Variants in APOBEC3D observed in about 807,000 individuals in gnomAD.
APOBEC3D encodes DNA dC->dU-editing enzyme APOBEC-3D.
In APOBEC3D, 37 loss-of-function variants were observed where a neutral mutation model predicts 45.6. The observed-to-expected ratio is 0.81, with a 90% confidence interval of 0.62 to 1.07. The LOEUF (loss-of-function observed/expected upper bound fraction) is 1.07, where lower values mean the gene tolerates loss of function less well. Among genes scored for constraint, APOBEC3D ranks in the 50% least tolerant of loss-of-function variants. The probability of loss-of-function intolerance (pLI) is 0.00; values close to 1 mark genes in which losing one functional copy is unlikely to be tolerated. For missense variants in APOBEC3D, 496 were observed against 495.3 expected, an observed-to-expected ratio of 1.00 and a Z score of -0.01; for synonymous variants, 175 against 180.7, an observed-to-expected ratio of 0.97 and a Z score of 0.25.
intron 4 of APOBEC3D, 57 bp from the exon 5 acceptor site, chr22:39,029,306 C>A: frequency 6.3e-7 from 1 of 1,596,000 alleles, no homozygotes; most frequent in South Asian, 1.1e-5. Context: ...GAGTTGTGTT[C>A]AGTGGGCATC....
intron 4 of APOBEC3D, among the ~76,000 whole-genome samples, chr22:39,027,296 C>A (rs1338587542): frequency 1.3e-5 from 2 of 152,006 alleles, no homozygotes; most frequent in Non-Finnish European, 2.9e-5. Context: ...CATCTGAGGG[C>A]ACCCCCACCC....
intron 5 of APOBEC3D, among the ~76,000 whole-genome samples, chr22:39,030,776 G>A (rs1472057413): frequency 1.3e-5 from 2 of 152,152 alleles, no homozygotes; most frequent in Admixed American, 1.3e-4. Context: ...AGGATGCCTG[G>A]TTAATGGATG....
chr22:39,025,610 C>T lies in APOBEC3D; in HGVS notation c.544C>T (p.Pro182Ser). ...GTGCAATGAAGGTCAGCCATTCATG[C>T]CTTGGTACAAATTCGATGACAATTA... is the stretch of plus-strand genomic sequence containing the variant. Reference protein sequence around the residue: ...FVCNEGQPFMPWYKFDDNYAS... With the variant: ...FVCNEGQPFMSWYKFDDNYAS... Residue 182 changes from proline to serine, a missense_variant, in exon 4 of 7, where the codon CCT becomes TCT. Transcript: ENST00000216099. 1 of 1,614,110 alleles carries T rather than the reference C, an allele frequency of 6.2e-7. No homozygotes were observed. Among genetic ancestry groups the T allele is most frequent in the Non-Finnish European group, 8.5e-7 (1 of 1,180,006 alleles).
intron 5 of APOBEC3D, among the ~76,000 whole-genome samples, chr22:39,031,008 C>G (rs188152936): frequency 2.6e-5 from 4 of 152,076 alleles, no homozygotes; most frequent in Admixed American, 2.6e-4. Context: ...TCTACTAAAA[C>G]TACAAAAATT....
chr22:39,030,161 C>T (rs898878357), intron 5 of APOBEC3D, among the ~76,000 whole-genome samples: 1 of 149,668 alleles, frequency 6.7e-6, no homozygotes, highest in Non-Finnish European at 1.5e-5. Flanking sequence ...CTGGTGGGGC[C>T]GCCCCCGCCA....
Position 39,022,970 on chromosome 22 carries a change from C to T in APOBEC3D, c.166C>T (p.Arg56Ter), listed in dbSNP as rs1443766610. Reference sequence around the variant, plus strand: ...TCTCCTTTGGGACACAGGGGTCTTTCGAGGCCCGGTACTACCCAAACGTCA... The same window carrying T: ...TCTCCTTTGGGACACAGGGGTCTTTTGAGGCCCGGTACTACCCAAACGTCA... ...SNLLWDTGVF[R>*]GPVLPKRQSN... The change falls in exon 2 of 7, where the codon CGA becomes TGA. Residue 56 changes from arginine to a stop codon, truncating the protein, a stop_gained. Coordinates refer to ENST00000216099, the MANE Select transcript of APOBEC3D (RefSeq NM_152426.4). LOFTEE classifies it high-confidence loss of function. 4 of 1,613,516 alleles carry T rather than the reference C, an allele frequency of 2.5e-6. No homozygotes were observed. Among genetic ancestry groups the T allele is most frequent in the African/African-American group, 1.3e-5 (1 of 74,968 alleles).
intron 1 of APOBEC3D, 110 bp from the exon 2 acceptor site, chr22:39,022,712 A>T: frequency 7.2e-7 from 1 of 1,382,144 alleles, no homozygotes; most frequent in Non-Finnish European, 9.7e-7. Flanking sequence ...AGGGCTGTGG[A>T]GGGGTGGGGG....
At chr22:39,028,913 G>T (rs1294733735) in intron 4 of APOBEC3D, among the ~76,000 whole-genome samples, 2 of 152,188 alleles carry the variant, frequency 1.3e-5, no homozygotes, top group Non-Finnish European at 2.9e-5. Flanking sequence ...CCAGCCTGGT[G>T]ACAGAGTGAG....
intron 4 of APOBEC3D, 30 bp from the exon 5 acceptor site, chr22:39,029,332 CT>C (rs1456227348): frequency 1.2e-6 from 2 of 1,612,750 alleles, no homozygotes; most frequent in African/African-American, 2.7e-5. Context: ...CGAGGAATCT[CT>C]GCACTGGGGT....
At chr22:39,026,790 T>C (rs1259295364) in intron 4 of APOBEC3D, among the ~76,000 whole-genome samples, 13 of 151,898 alleles carry the variant, frequency 8.6e-5, no homozygotes. Flanking sequence ...TCTCCCTCTG[T>C]TGCCCAGGCT....
intron 1 of APOBEC3D, among the ~76,000 whole-genome samples, chr22:39,022,539 T>C (rs1279208777): frequency 3.3e-5 from 5 of 152,112 alleles, no homozygotes; most frequent in Non-Finnish European, 4.4e-5. Context: ...TCCTAATGGG[T>C]TGGGGAGTGG....
At chr22:39,031,412 A>G (rs1410569502) in intron 5 of APOBEC3D, among the ~76,000 whole-genome samples, 1 of 152,132 alleles carries the variant, frequency 6.6e-6, no homozygotes, top group African/African-American at 2.4e-5. Context: ...CACAAAAATT[A>G]CAAAAAAATT....
At position 39,030,013 on chromosome 22, in the gene APOBEC3D, C is replaced by T. The variant is rs529671924; in HGVS notation, c.762+494C>T. Among the ~76,000 whole-genome samples, 43 of 151,052 alleles carry T rather than the reference C, an allele frequency of 2.8e-4. No individual in the cohort carries two copies. In the Middle Eastern group the frequency reaches 0.014, roughly 48 times the overall value. ...CCTCTTACCAAAAGGCCTTGTTTAG[C>T]GCCCAGCGCCCTCACTCTTGACTTT... is the stretch of plus-strand genomic sequence containing the variant. On this transcript the variant is annotated intron_variant, in intron 5 of 6. Transcript: ENST00000216099.
At chr22:39,032,012 G>T in intron 6 of APOBEC3D, 39 bp downstream of exon 6, 1 of 1,611,058 alleles carries the variant, frequency 6.2e-7, no homozygotes, top group Non-Finnish European at 8.5e-7. Flanking sequence ...GTGCGGGAGG[G>T]ACAGCATGAG....
At chr22:39,029,641 C>CA in intron 5 of APOBEC3D, 122 bp downstream of exon 5, 2 of 950,608 alleles carry the variant, frequency 2.1e-6, no homozygotes, top group Non-Finnish European at 2.9e-6. Flanking sequence ...ACATTTCTTT[C>CA]TTTTTTTTTT....
At chr22:39,028,847 T>A (rs1925935311) in intron 4 of APOBEC3D, among the ~76,000 whole-genome samples, 1 of 151,962 alleles carries the variant, frequency 6.6e-6, no homozygotes, top group Non-Finnish European at 1.5e-5. Flanking sequence ...AGGCAGGAGA[T>A]TTGCTTGAAA....
chr22:39,029,501 G>T lies in APOBEC3D; in HGVS notation c.744G>T (p.Arg248Ser). 1 of 1,614,146 alleles carries T rather than the reference G, an allele frequency of 6.2e-7. No individual in the cohort carries two copies. The change falls in exon 5 of 7, where the codon AGG becomes AGT. Residue 248 changes from arginine to serine, a missense_variant. By Grantham distance (110) the Arg-to-Ser change is moderately radical. Transcript: ENST00000216099. ...TKHHSAVFRKRGVFRNQVDPE... is the reference protein window; with the variant it reads ...TKHHSAVFRKSGVFRNQVDPE... Reference sequence around the variant, plus strand: ...ACCACTCAGCTGTCTTCCGGAAGAGGGGCGTCTTCCGAAACCAGGTAGCAC... The same window carrying T: ...ACCACTCAGCTGTCTTCCGGAAGAGTGGCGTCTTCCGAAACCAGGTAGCAC...
At chr22:39,021,799 G>A (rs1008832506) in intron 1 of APOBEC3D, among the ~76,000 whole-genome samples, 4 of 152,208 alleles carry the variant, frequency 2.6e-5, no homozygotes, top group Non-Finnish European at 4.4e-5. Flanking sequence ...TGGCCAGGCC[G>A]GTGCTCCCTG....
rs868195335 is a variant in APOBEC3D, at chr22:39,021,402, G to A, written c.-118G>A. The A allele has an allele frequency of 2.7e-6, 4 of 1,474,300 alleles. No individual in the cohort carries two copies. Among genetic ancestry groups the A allele is most frequent in the South Asian group, 1.2e-5 (1 of 86,586 alleles). 91.3% of individuals were successfully genotyped at this position (1,474,300 alleles called of 1,614,324 possible). A position where few individuals can be genotyped will look rare whatever the true frequency, so the allele number is the denominator to read the frequency against. Reference sequence around the variant, plus strand: ...ATTACAGGCGTGAGCCACCGTGCCCGGCCGGGAGGTCACTTTAAGGAGGGC... The same window carrying A: ...ATTACAGGCGTGAGCCACCGTGCCCAGCCGGGAGGTCACTTTAAGGAGGGC... On this transcript the variant is annotated 5_prime_UTR_variant, in exon 1 of 7. Transcript: ENST00000216099.
Sources: gnomAD v4.1 joint callset for allele counts (sites outside exome capture counted in the v4.1 genomes callset) on GRCh38, gnomAD v4.1.1 for gene constraint, MANE v1.5 for transcripts, NCBI Gene and HGNC (gene_info 2026-07-23, HGNC 2026-07-21) for gene names.